PNKD: variants seen among roughly 807,000 people sequenced by gnomAD.
The protein encoded by PNKD is probable thioesterase PNKD.
In PNKD, 36 loss-of-function variants were observed where a neutral mutation model predicts 45.3. The observed-to-expected ratio is 0.80, with a 90% CI of 0.61 to 1.05. PNKD has a LOEUF of 1.05. PNKD is among the 50% of genes least tolerant of loss of function. The probability of loss-of-function intolerance (pLI) is 0.00; values close to 1 mark genes in which losing one functional copy is unlikely to be tolerated. For synonymous variants in PNKD, 197 were observed against 210.1 expected (o/e 0.94, Z 0.54); for missense variants, 511 against 506.6 (o/e 1.01, Z -0.08).
chr2:218,309,791 C>T (rs979314091), intron 2 of PNKD, among the ~76,000 whole-genome samples: 6 of 151,734 alleles, frequency 4.0e-5, no homozygotes, highest in East Asian at 3.9e-4. Context: ...AAAAATTAGC[C>T]GAGCGTGGTG....
chr2:218,344,832 C>A lies in PNKD; in HGVS notation c.1009C>A (p.Arg337Ser). 2 of 1,613,912 alleles carry A rather than the reference C, an allele frequency of 1.2e-6. No individual in the cohort carries two copies. Among genetic ancestry groups the A allele is most frequent in the South Asian group, 1.1e-5 (1 of 91,072 alleles). Reference protein sequence around the residue: ...GTCPSTLGEERSYNPFLRTHC... With the variant: ...GTCPSTLGEESSYNPFLRTHC... Reference sequence around the variant, plus strand: ...GTGCCCATCTACCCTGGGAGAGGAGCGCTCCTACAACCCGTTCCTGAGAAC... The same window carrying A: ...GTGCCCATCTACCCTGGGAGAGGAGAGCTCCTACAACCCGTTCCTGAGAAC... The change falls in exon 10 of 10, where the codon CGC becomes AGC. Residue 337 changes from arginine to serine, a missense_variant. Coordinates refer to ENST00000273077, the MANE Select transcript of PNKD (RefSeq NM_015488.5).
intron 7 of PNKD, among the ~76,000 whole-genome samples, chr2:218,342,518 G>A (rs1007041367): frequency 3.9e-5 from 6 of 151,936 alleles, no homozygotes; most frequent in African/African-American, 1.5e-4. Flanking sequence ...TGGTCAACAT[G>A]GTGAAACCCC....
chr2:218,339,691 G>T, intron 2 of PNKD, 92 bp from the exon 3 acceptor site: 1 of 777,028 alleles, frequency 1.3e-6, no homozygotes, highest in Middle Eastern at 2.6e-4. Context: ...GGTCACCAAA[G>T]GAATGGAGAT....
intron 2 of PNKD, among the ~76,000 whole-genome samples, chr2:218,332,329 G>T (rs1251070287): frequency 6.6e-6 from 1 of 152,096 alleles, no homozygotes; most frequent in Non-Finnish European, 1.5e-5. Context: ...GCCAGGGAGA[G>T]GGCTAAATGC....
chr2:218,339,472 C>T (rs568928931), intron 2 of PNKD, among the ~76,000 whole-genome samples: 2 of 151,878 alleles, frequency 1.3e-5, no homozygotes, highest in Non-Finnish European at 2.9e-5. Context: ...GTGATCCGCC[C>T]ACCTCGGCCT....
chr2:218,337,107 C>T (rs935027564), intron 2 of PNKD, among the ~76,000 whole-genome samples: 1 of 149,648 alleles, frequency 6.7e-6, no homozygotes, highest in Admixed American at 6.7e-5. Flanking sequence ...GCCTTCAATT[C>T]TTTTCTTTTT....
intron 2 of PNKD, chr2:218,278,143 C>G: frequency 1.5e-6 from 1 of 681,924 alleles, no homozygotes; most frequent in East Asian, 2.7e-5. Context: ...TACGCAGGGA[C>G]AACATGGGCC....
In PNKD at chr2:218,344,986, C is replaced by T. The variant is rs760022142; in HGVS notation, c.*5C>T. ...GATATGCACAAGAGCAAGTGATGCC[C>T]CCAGCGCCCCCAGCCCAGCCCACTC... On this transcript the variant is annotated 3_prime_UTR_variant, in exon 10 of 10. Coordinates refer to ENST00000273077, the MANE Select transcript of PNKD (RefSeq NM_015488.5). 1.9e-6 allele frequency: 3 copies of T among 1,607,978 alleles called. No individual in the cohort carries two copies. In the East Asian group the frequency reaches 6.7e-5, roughly 36 times the overall value.
intron 2 of PNKD, among the ~76,000 whole-genome samples, chr2:218,296,765 G>A (rs1268870823): frequency 6.6e-6 from 1 of 151,896 alleles, no homozygotes; most frequent in East Asian, 1.9e-4. Context: ...TGCAACCTCC[G>A]CCTCCTGGGT....
At chr2:218,304,147 G>T (rs1693350147) in intron 2 of PNKD, among the ~76,000 whole-genome samples, 1 of 152,002 alleles carries the variant, frequency 6.6e-6, no homozygotes, top group Admixed American at 6.6e-5. Flanking sequence ...TGTCCACACA[G>T]CTCTGTCTTT....
chr2:218,274,190 T>A (rs1690989093), intron 2 of PNKD: 1 of 155,012 alleles, frequency 6.5e-6, no homozygotes, highest in Non-Finnish European at 1.5e-5. Context: ...CCTGGAGCCA[T>A]ACAGGGTTTT....
intron 1 of PNKD, chr2:218,271,122 T>C (rs964368417): frequency 1.8e-6 from 1 of 566,452 alleles, no homozygotes; most frequent in Non-Finnish European, 3.2e-6. Context: ...TGCTGTCGTC[T>C]GAGGAAGAAC....
chr2:218,290,595 G>T (rs540492765), intron 2 of PNKD, among the ~76,000 whole-genome samples: 1 of 152,182 alleles, frequency 6.6e-6, no homozygotes, highest in Non-Finnish European at 1.5e-5. Context: ...AAGGGCCGGG[G>T]GACATATCCA....
At chr2:218,285,295 A>T (rs1329120952) in intron 2 of PNKD, among the ~76,000 whole-genome samples, 4 of 152,216 alleles carry the variant, frequency 2.6e-5, no homozygotes, top group Non-Finnish European at 5.9e-5. Flanking sequence ...CTAGAGTGTG[A>T]TGAAGTCAAA....
chr2:218,325,566 C>T (rs1409618137), intron 2 of PNKD, among the ~76,000 whole-genome samples: 1 of 152,068 alleles, frequency 6.6e-6, no homozygotes, highest in African/African-American at 2.4e-5. Context: ...AATTTTACAG[C>T]CTTATCTGGG....
chr2:218,340,794 G>C lies in PNKD; in HGVS notation c.524+8G>C, dbSNP rs1464064363. 3.7e-6 allele frequency: 6 copies of C among 1,612,178 alleles called. No individual in the cohort carries two copies. Among genetic ancestry groups the C allele is most frequent in the Non-Finnish European group, 3.4e-6 (4 of 1,178,326 alleles). ...GTGTACTCACAAGCACTGGTAAGGG[G>C]CTCCCGTCTTCCCTGGCCCACCCTT... On this transcript the variant is annotated splice_region_variant and intron_variant, in intron 5 of 9. Transcript: ENST00000273077. This position sits in a 1 kb window ranked among gnomAD's most constrained non-coding sequence, Gnocchi z 4.2.
At chr2:218,273,135 G>A (rs1050380696) in intron 2 of PNKD, among the ~76,000 whole-genome samples, 2 of 152,250 alleles carry the variant, frequency 1.3e-5, no homozygotes, top group African/African-American at 2.4e-5. Context: ...GGCCAGGAGG[G>A]TGGGGTCCCG....
intron 2 of PNKD, among the ~76,000 whole-genome samples, chr2:218,329,594 G>T (rs1273689931): frequency 6.6e-6 from 1 of 152,222 alleles, no homozygotes; most frequent in Non-Finnish European, 1.5e-5. Flanking sequence ...GGGCTGTGAA[G>T]TCTGGGGAAG....
chr2:218,334,075 A>G (rs889073928), intron 2 of PNKD, among the ~76,000 whole-genome samples: 1 of 151,130 alleles, frequency 6.6e-6, no homozygotes, highest in African/African-American at 2.4e-5. Flanking sequence ...AGATCATGCC[A>G]CTGCACTCCT....
Sources: gnomAD v4.1 joint callset for allele counts (sites outside exome capture counted in the v4.1 genomes callset) on GRCh38, gnomAD v4.1.1 for gene constraint, Gnocchi (gnomAD v3.1) non-coding constraint, MANE v1.5 for transcripts, NCBI Gene and HGNC (gene_info 2026-07-23, HGNC 2026-07-21) for gene names.